The following HOMER1 variants were observed in gnomAD, a reference collection of about 807,000 sequenced individuals.
HOMER1 encodes homer scaffold protein 1.
In HOMER1, 3 loss-of-function variants were observed where a neutral mutation model predicts 48.9. The observed-to-expected ratio is 0.06, with a 90% CI of 0.03 to 0.16. HOMER1 has a LOEUF of 0.16. Ranked by LOEUF, HOMER1 falls within the 10% of genes least tolerant of loss-of-function variation. The pLI is 1.00. For synonymous variants in HOMER1, 134 were observed against 146.4 expected (o/e 0.92, Z 0.61); for missense variants, 247 against 411.4 (o/e 0.60, Z 3.46).
chr5:79,439,902 T>C (rs1031591455), intron 4 of HOMER1, among the ~76,000 whole-genome samples: 6 of 152,294 alleles, frequency 3.9e-5, no homozygotes, highest in Non-Finnish European at 7.4e-5. Context: ...CTGACACTTA[T>C]GTCTGCCACC....
chr5:79,405,667 C>G (rs1386192794), intron 5 of HOMER1, among the ~76,000 whole-genome samples: 1 of 152,170 alleles, frequency 6.6e-6, no homozygotes, highest in Non-Finnish European at 1.5e-5. Context: ...CACTTACCAG[C>G]AAAACCTGGT....
chr5:79,378,430 T>C (rs1430563384), intron 8 of HOMER1, among the ~76,000 whole-genome samples: 3 of 151,816 alleles, frequency 2.0e-5, no homozygotes, highest in African/African-American at 7.3e-5. Flanking sequence ...GACTGTTAGA[T>C]GTTAGCCAGG....
chr5:79,400,719 A>C (rs113343496), intron 6 of HOMER1, among the ~76,000 whole-genome samples: 4,368 of 108,814 alleles, frequency 0.04, 226 homozygotes, highest in African/African-American at 0.2. Flanking sequence ...CTATGCCTTG[A>C]ATTAAAAAAA....
intron 8 of HOMER1, among the ~76,000 whole-genome samples, chr5:79,391,966 AAACTCCT>A: frequency 6.6e-6 from 1 of 152,194 alleles, no homozygotes; most frequent in Middle Eastern, 3.4e-3. Context: ...GGGAGCTGAA[AAACTCCT>A]ATCACCCAGC....
At position 79,406,314 on chromosome 5, in the gene HOMER1, T is replaced by A. The variant is rs939937662; in HGVS notation, c.528-4259A>T. Among the ~76,000 whole-genome samples, 4 of 152,314 alleles carry A rather than the reference T, an allele frequency of 2.6e-5. 1 individual carries two copies. On this transcript the variant is annotated intron_variant, in intron 5 of 8. Transcript: ENST00000334082. The stretch of plus-strand genomic sequence containing the variant: ...AATATACTATACGTTAATGATAAAA[T>A]CTAGGTAAGTGTAATCATTTTATTT...
chr5:79,409,084 GA>G (rs772069998), intron 5 of HOMER1, among the ~76,000 whole-genome samples: 12 of 109,544 alleles, frequency 1.1e-4, no homozygotes, highest in Admixed American at 2.0e-4. Flanking sequence ...TTTGTCTTGA[GA>G]AAAAAAAAAA....
At chr5:79,397,405 A>G in intron 7 of HOMER1, 122 bp downstream of exon 7, 1 of 673,076 alleles carries the variant, frequency 1.5e-6, no homozygotes, top group Non-Finnish European at 2.6e-6. Flanking sequence ...GAAAAATTTC[A>G]TCCTAAAAAA....
chr5:79,466,567 T>A (rs1231430578), intron 1 of HOMER1, among the ~76,000 whole-genome samples: 1 of 151,990 alleles, frequency 6.6e-6, no homozygotes, highest in Non-Finnish European at 1.5e-5. Flanking sequence ...TCCATTTTAC[T>A]TGACTTTAAA....
intron 5 of HOMER1, among the ~76,000 whole-genome samples, chr5:79,417,228 C>T (rs1437821867): frequency 6.6e-6 from 1 of 151,888 alleles, no homozygotes; most frequent in Admixed American, 6.6e-5. Flanking sequence ...CTGAAAGCTC[C>T]GCCTCCCGGG....
chr5:79,430,095 G>T (rs1268176366), intron 5 of HOMER1, among the ~76,000 whole-genome samples: 2 of 150,244 alleles, frequency 1.3e-5, no homozygotes, highest in Non-Finnish European at 3.0e-5. Context: ...ACAACTAATA[G>T]AACTGAAGAA....
chr5:79,419,991 A>C (rs1212522856), intron 5 of HOMER1, among the ~76,000 whole-genome samples: 1 of 143,720 alleles, frequency 7.0e-6, no homozygotes, highest in Non-Finnish European at 1.5e-5. Flanking sequence ...TTAAAGAAGC[A>C]TTCTTTTTTT....
rs1208575743 is a variant in HOMER1, at chr5:79,513,071, T to C, written c.-297A>G. On this transcript the variant is annotated 5_prime_UTR_variant, in exon 1 of 9. Coordinates refer to ENST00000334082, the MANE Select transcript of HOMER1 (RefSeq NM_004272.5). ...CAAAATGAGTCTACAAGTAGGGAAATGCAGAATCCGGCTTCACCGAGTCCT... is the reference window on the plus strand; with the variant it reads ...CAAAATGAGTCTACAAGTAGGGAAACGCAGAATCCGGCTTCACCGAGTCCT... 13 of 452,402 alleles carry C rather than the reference T, an allele frequency of 2.9e-5. No individual in the cohort carries two copies. Among genetic ancestry groups the C allele is most frequent in the Non-Finnish European group, 5.1e-5 (13 of 254,660 alleles). 28.0% of individuals were successfully genotyped at this position (452,402 alleles called of 1,614,324 possible).
chr5:79,462,980 T>C (rs773552900), intron 1 of HOMER1, among the ~76,000 whole-genome samples: 5 of 152,238 alleles, frequency 3.3e-5, no homozygotes, highest in Non-Finnish European at 5.9e-5. Flanking sequence ...AAGGAGATTA[T>C]AAAGAAGGTT....
chr5:79,446,008 T>C (rs528540205), intron 4 of HOMER1, among the ~76,000 whole-genome samples: 5 of 152,256 alleles, frequency 3.3e-5, no homozygotes, highest in Non-Finnish European at 5.9e-5. Context: ...TTTATGTATA[T>C]TATGACATTC....
chr5:79,460,191 G>T (rs1228961425), intron 1 of HOMER1, among the ~76,000 whole-genome samples: 1 of 152,102 alleles, frequency 6.6e-6, no homozygotes, highest in Admixed American at 6.6e-5. Flanking sequence ...TCTGGGCCAC[G>T]TGTGGTGGCT....
chr5:79,422,872 T>A (rs1047609846), intron 5 of HOMER1, among the ~76,000 whole-genome samples: 8 of 132,294 alleles, frequency 6.0e-5, no homozygotes, highest in Admixed American at 8.8e-5. Flanking sequence ...ACAGTGGGAG[T>A]GGAGACAAGA....
intron 8 of HOMER1, among the ~76,000 whole-genome samples, chr5:79,386,372 A>G (rs1012580883): frequency 6.6e-6 from 1 of 152,220 alleles, no homozygotes; most frequent in African/African-American, 2.4e-5. Context: ...ACAGAAAGAC[A>G]AATACTGAAT....
At chr5:79,474,244 G>A (rs1468560769) in intron 1 of HOMER1, among the ~76,000 whole-genome samples, 1 of 134,034 alleles carries the variant, frequency 7.5e-6, no homozygotes, top group Non-Finnish European at 1.6e-5. Context: ...GTGGAGACGG[G>A]GTCTCACTTT....
At chr5:79,441,968 G>GGT (rs147719225) in intron 4 of HOMER1, among the ~76,000 whole-genome samples, 33,536 of 147,468 alleles carry the variant, frequency 0.23, 3,814 homozygotes, top group South Asian at 0.35. Flanking sequence ...TCTTTTTTGG[G>GGT]GTGTGTGTGT....
Sources: gnomAD v4.1 joint callset for allele counts (sites outside exome capture counted in the v4.1 genomes callset) on GRCh38, gnomAD v4.1.1 for gene constraint, MANE v1.5 for transcripts, NCBI Gene and HGNC (gene_info 2026-07-23, HGNC 2026-07-21) for gene names.